RHBDD1: variants seen among roughly 807,000 people sequenced by gnomAD.
RHBDD1 encodes the protein rhomboid-related protein 4.
Under a neutral mutation model 36.3 loss-of-function variants are expected in RHBDD1, and 38 were observed. The ratio of observed to expected loss-of-function variants is 1.05; its 90% confidence interval spans 0.81 to 1.37. The LOEUF (loss-of-function observed/expected upper bound fraction) is 1.37. Among genes scored for constraint, RHBDD1 ranks in the 40% most tolerant of loss-of-function variants. The probability of loss-of-function intolerance (pLI) is 0.00; values close to 1 mark genes in which losing one functional copy is unlikely to be tolerated. For missense variants in RHBDD1, 393 were observed against 377.6 expected, an observed-to-expected ratio of 1.04 and a Z score of -0.34; for synonymous variants, 151 against 136.5, an observed-to-expected ratio of 1.11 and a Z score of -0.74.
chr2:226,925,495 C>A (rs1949606237), intron 8 of RHBDD1, among the ~76,000 whole-genome samples: 1 of 151,980 alleles, frequency 6.6e-6, no homozygotes, highest in African/African-American at 2.4e-5. Flanking sequence ...ATAGTATGTA[C>A]CATATGGCCA....
At chr2:226,931,985 GTCT>G (rs779513696) in intron 8 of RHBDD1, among the ~76,000 whole-genome samples, 4 of 151,950 alleles carry the variant, frequency 2.6e-5, no homozygotes, top group Admixed American at 1.3e-4. Flanking sequence ...ATGTACTTAG[GTCT>G]TCTTTGATTT....
At chr2:226,827,242 G>A in the RHBDD1 span, among the ~76,000 whole-genome samples, 1 of 152,204 alleles carries the variant, frequency 6.6e-6, no homozygotes, top group East Asian at 1.9e-4. Flanking sequence ...TGAGATGACA[G>A]GCATGAGCCA....
At chr2:226,909,273 C>T (rs559275915) in intron 7 of RHBDD1, among the ~76,000 whole-genome samples, 1 of 152,138 alleles carries the variant, frequency 6.6e-6, no homozygotes, top group Admixed American at 6.5e-5. Context: ...CCCTTGCATA[C>T]CGTCAGATGC....
intron 3 of RHBDD1, among the ~76,000 whole-genome samples, chr2:226,853,445 G>T (rs1460399104): frequency 6.6e-6 from 1 of 152,204 alleles, no homozygotes; most frequent in Non-Finnish European, 1.5e-5. Flanking sequence ...GGCAGGCCAG[G>T]CTGCTGGGGC....
rs754693165 is a variant in RHBDD1 at position 226,908,861 on chromosome 2, A to G, written c.695A>G (p.Tyr232Cys). 3.1e-6 allele frequency: 5 copies of G among 1,603,080 alleles called. No individual in the cohort carries two copies. The African/African-American group carries it at 5.4e-5, about 17-fold the overall frequency. ...SSSVGYPGRQ[Y>C]YFNSSGSSGY... ...AGTGTTGGTTACCCAGGACGGCAAT[A>G]CTACTTTAATAGTTCAGGTAGGCAC... The change falls in exon 7 of 9, where the codon TAC (tyrosine) becomes TGC (cysteine). Residue 232 changes from tyrosine (Y) to cysteine (C), a missense_variant. By Grantham distance (194) the Tyr-to-Cys change is radical. Coordinates refer to ENST00000392062, the MANE Select transcript of RHBDD1 (RefSeq NM_001167608.3).
At chr2:226,868,300 A>G (rs1288010894) in intron 5 of RHBDD1, among the ~76,000 whole-genome samples, 2 of 152,162 alleles carry the variant, frequency 1.3e-5, no homozygotes, top group African/African-American at 4.8e-5. Flanking sequence ...TCGGAAGGTT[A>G]AGAGACTTAT....
intron 3 of RHBDD1, among the ~76,000 whole-genome samples, chr2:226,843,642 T>G (rs1220938063): frequency 1.3e-5 from 2 of 152,142 alleles, no homozygotes; most frequent in Admixed American, 6.5e-5. Flanking sequence ...GTAGATAAGT[T>G]TTTTGATGTG....
At chr2:226,814,780 C>T in the RHBDD1 span, among the ~76,000 whole-genome samples, 1 of 152,164 alleles carries the variant, frequency 6.6e-6, no homozygotes, top group Non-Finnish European at 1.5e-5. Context: ...AATCACTCTC[C>T]CCGTCTCCTT....
chr2:226,994,172 A>G (rs2149600485), intron 8 of RHBDD1, among the ~76,000 whole-genome samples: 1 of 152,332 alleles, frequency 6.6e-6, no homozygotes, highest in African/African-American at 2.4e-5. Context: ...CTCACTGGGC[A>G]GCATTGGAAG....
intron 5 of RHBDD1, among the ~76,000 whole-genome samples, chr2:226,901,948 G>GATAGATATCTCATCTGATAGATAC (rs1947633590): frequency 6.6e-6 from 1 of 151,968 alleles, no homozygotes; most frequent in Non-Finnish European, 1.5e-5. Context: ...TGATAGTTAC[G>GATAGATATCTCATCTGATAGATAC]TACTGAGTGC....
At chr2:226,918,449 C>T (rs1364654030) in intron 8 of RHBDD1, among the ~76,000 whole-genome samples, 1 of 151,888 alleles carries the variant, frequency 6.6e-6, no homozygotes, top group Non-Finnish European at 1.5e-5. Context: ...TACCCATTAA[C>T]CATCTTCATT....
At chr2:226,840,395 T>C (rs989495968) in intron 3 of RHBDD1, among the ~76,000 whole-genome samples, 1 of 152,210 alleles carries the variant, frequency 6.6e-6, no homozygotes, top group African/African-American at 2.4e-5. Flanking sequence ...CATTGTTACA[T>C]GCACCTCATA....
chr2:226,872,954 G>C (rs1944909220), intron 5 of RHBDD1, among the ~76,000 whole-genome samples: 1 of 152,198 alleles, frequency 6.6e-6, no homozygotes, highest in Non-Finnish European at 1.5e-5. Context: ...CCTGATGTGG[G>C]AGAGCCTCTA....
chr2:226,938,268 C>T (rs1950463740), intron 8 of RHBDD1, among the ~76,000 whole-genome samples: 1 of 151,834 alleles, frequency 6.6e-6, no homozygotes. Flanking sequence ...TGTCCTTTGC[C>T]CACTTTTTAA....
At chr2:226,804,299 T>C in the RHBDD1 span, 1 of 152,208 alleles carries the variant, frequency 6.6e-6, no homozygotes, top group South Asian at 2.1e-4. Flanking sequence ...CCCCCCAGCA[T>C]TCACAGTTTA....
intron 8 of RHBDD1, among the ~76,000 whole-genome samples, chr2:226,915,780 T>A (rs778956855): frequency 3.9e-5 from 6 of 152,176 alleles, no homozygotes; most frequent in Non-Finnish European, 7.4e-5. Flanking sequence ...AATCTGTATT[T>A]CTCAGGTGAA....
intron 4 of RHBDD1, among the ~76,000 whole-genome samples, chr2:226,865,421 A>T (rs1944242590): frequency 6.6e-6 from 1 of 152,206 alleles, no homozygotes; most frequent in Admixed American, 6.5e-5. Flanking sequence ...AGACCCACAG[A>T]TGTATTTGTA....
chr2:226,826,606 C>T, the RHBDD1 span, among the ~76,000 whole-genome samples: 1 of 151,304 alleles, frequency 6.6e-6, no homozygotes, highest in Non-Finnish European at 1.5e-5. Flanking sequence ...CTGCAACCTC[C>T]ACCTCCTGGG....
chr2:226,811,554 C>T, the RHBDD1 span, among the ~76,000 whole-genome samples: 3 of 152,222 alleles, frequency 2.0e-5, no homozygotes, highest in African/African-American at 7.2e-5. Context: ...CCACCCCCCT[C>T]AGTCTCCCAA....
Sources: allele counts gnomAD v4.1 joint callset (sites outside exome capture counted in the v4.1 genomes callset), GRCh38; gene constraint gnomAD v4.1.1; transcripts MANE v1.5; gene names NCBI Gene and HGNC (gene_info 2026-07-23, HGNC 2026-07-21).